Variants in SCOC observed in about 807,000 individuals in gnomAD.
SCOC encodes short coiled coil protein.
SCOC carries 7 observed loss-of-function variants against 9.9 expected under a neutral mutation model. That is an observed-to-expected ratio of 0.71 (90% CI 0.40 to 1.33). The LOEUF (loss-of-function observed/expected upper bound fraction) is 1.33. Ranked by LOEUF, SCOC falls within the 40% of genes most tolerant of loss-of-function variation. The pLI is 0.01. For synonymous variants in SCOC, 19 were observed against 28.2 expected, an observed-to-expected ratio of 0.67 and a Z score of 1.03; for missense variants, 66 against 89.7, an observed-to-expected ratio of 0.74 and a Z score of 1.07.
At chr4:140,288,269 G>A (rs183559956) in intron 1 of SCOC, among the ~76,000 whole-genome samples, 35 of 151,944 alleles carry the variant, frequency 2.3e-4, no homozygotes, top group African/African-American at 6.0e-4. Context: ...CTATGTACAC[G>A]TAGACAAACA....
intron 1 of SCOC, among the ~76,000 whole-genome samples, chr4:140,301,813 C>T (rs1016632895): frequency 2.0e-5 from 3 of 152,150 alleles, no homozygotes; most frequent in African/African-American, 4.8e-5. Flanking sequence ...TTTCTAAAAA[C>T]TATTATTCTT....
At chr4:140,305,501 T>G (rs1578791759) in intron 1 of SCOC, among the ~76,000 whole-genome samples, 1 of 152,196 alleles carries the variant, frequency 6.6e-6, no homozygotes, top group African/African-American at 2.4e-5. Flanking sequence ...TAATCAAAAC[T>G]GCAAGATCTC....
At chr4:140,318,828 C>T (rs1034624361) in intron 1 of SCOC, among the ~76,000 whole-genome samples, 3 of 152,142 alleles carry the variant, frequency 2.0e-5, no homozygotes, top group African/African-American at 4.8e-5. Flanking sequence ...TTGGAACCAA[C>T]CCAAAAGCCC....
intron 1 of SCOC, among the ~76,000 whole-genome samples, chr4:140,295,509 G>C (rs187966444): frequency 3.7e-4 from 56 of 152,316 alleles, no homozygotes; most frequent in Admixed American, 3.2e-3. Flanking sequence ...ATAAATCCAG[G>C]CAGGATAGCT....
At chr4:140,263,720 C>G (rs984004493) in intron 1 of SCOC, among the ~76,000 whole-genome samples, 1 of 152,010 alleles carries the variant, frequency 6.6e-6, no homozygotes, top group South Asian at 2.1e-4. Context: ...CATATCACCC[C>G]GAATGGGTGA....
intron 1 of SCOC, among the ~76,000 whole-genome samples, chr4:140,300,524 C>A (rs1377716208): frequency 6.6e-6 from 1 of 152,198 alleles, no homozygotes; most frequent in African/African-American, 2.4e-5. Flanking sequence ...TGGAAGTTGG[C>A]AGATTCTCAG....
chr4:140,312,847 C>A (rs774531785), intron 1 of SCOC, among the ~76,000 whole-genome samples: 2 of 152,076 alleles, frequency 1.3e-5, no homozygotes, highest in African/African-American at 2.4e-5. Flanking sequence ...AAGAGAATGC[C>A]TTTTTGCTGA....
intron 1 of SCOC, among the ~76,000 whole-genome samples, chr4:140,290,798 G>C (rs1244527914): frequency 6.6e-6 from 1 of 152,166 alleles, no homozygotes; most frequent in Admixed American, 6.5e-5. Flanking sequence ...GGGAAACATT[G>C]AGTGAGACTC....
chr4:140,315,183 G>A (rs543985417), intron 1 of SCOC, among the ~76,000 whole-genome samples: 59 of 152,306 alleles, frequency 3.9e-4, no homozygotes, highest in African/African-American at 1.4e-3. Context: ...CTTCCCCTGT[G>A]TGTCAAAGAC....
Position 140,287,027 on chromosome 4 carries a change from A to G in SCOC, c.-19+29617A>G, listed in dbSNP as rs867236437. 6.6e-5 allele frequency among the ~76,000 whole-genome samples: 10 copies of G among 151,996 alleles called. No individual in the cohort carries two copies. The Middle Eastern group carries it at 0.02, about 310-fold the overall frequency. On this transcript the variant is annotated intron_variant, in intron 1 of 4. Coordinates refer to the SCOC transcript ENST00000394205. Reference sequence around the variant, plus strand: ...TACACATACATATACCATATACCACACATGTGTACACACACTCTACACACA... The same window carrying G: ...TACACATACATATACCATATACCACGCATGTGTACACACACTCTACACACA...
At chr4:140,345,650 G>C (rs1201728579) in intron 2 of SCOC, among the ~76,000 whole-genome samples, 1 of 152,140 alleles carries the variant, frequency 6.6e-6, no homozygotes, top group Non-Finnish European at 1.5e-5. Flanking sequence ...CATTAAAAAG[G>C]TATGCTTATA....
At chr4:140,340,783 C>CTTTT (rs36136647), upstream of SCOC, among the ~76,000 whole-genome samples, 80 of 40,440 alleles carry the variant, frequency 2.0e-3, 3 homozygotes, top group African/African-American at 6.2e-3. Context: ...TGCTGCCTAA[C>CTTTT]TTTTTTTTTT....
intron 1 of SCOC, among the ~76,000 whole-genome samples, chr4:140,262,819 G>C (rs1364402129): frequency 6.6e-6 from 1 of 151,888 alleles, no homozygotes; most frequent in Non-Finnish European, 1.5e-5. Context: ...CAGCAGGAGA[G>C]AGAGAGAGAG....
At chr4:140,317,819 G>C (rs1378142877) in intron 1 of SCOC, among the ~76,000 whole-genome samples, 3 of 149,992 alleles carry the variant, frequency 2.0e-5, no homozygotes, top group Non-Finnish European at 4.4e-5. Context: ...TCTAGCATTA[G>C]GTATATCTCC....
At chr4:140,359,769 T>C (rs1005564107) in intron 2 of SCOC, among the ~76,000 whole-genome samples, 6 of 152,210 alleles carry the variant, frequency 3.9e-5, no homozygotes, top group Admixed American at 3.9e-4. Flanking sequence ...GTGAGGCTCC[T>C]CAGGGATGGT....
At chr4:140,315,133 C>G (rs1732275913) in intron 1 of SCOC, among the ~76,000 whole-genome samples, 1 of 152,176 alleles carries the variant, frequency 6.6e-6, no homozygotes, top group Non-Finnish European at 1.5e-5. Flanking sequence ...CATATTCTCT[C>G]TCTTCAGTGA....
chr4:140,340,355 A>C (rs1726457753), upstream of SCOC, among the ~76,000 whole-genome samples: 1 of 152,170 alleles, frequency 6.6e-6, no homozygotes, highest in East Asian at 1.9e-4. Flanking sequence ...ATGTTAAATG[A>C]TGAGTTAATG....
intron 1 of SCOC, among the ~76,000 whole-genome samples, chr4:140,258,426 T>C (rs976365569): frequency 6.6e-6 from 1 of 152,180 alleles, no homozygotes; most frequent in African/African-American, 2.4e-5. Context: ...CGTCAAACAC[T>C]GGATTTTTTT....
At chr4:140,262,576 C>T (rs1015168925) in intron 1 of SCOC, among the ~76,000 whole-genome samples, 1 of 151,992 alleles carries the variant, frequency 6.6e-6, no homozygotes, top group African/African-American at 2.4e-5. Flanking sequence ...GATAGTGGCT[C>T]CTTGAATAGG....
Sources: gnomAD v4.1 joint callset for allele counts (sites outside exome capture counted in the v4.1 genomes callset) on GRCh38, gnomAD v4.1.1 for gene constraint, MANE v1.5 for transcripts, NCBI Gene and HGNC (gene_info 2026-07-23, HGNC 2026-07-21) for gene names.